The following SLC36A4 variants were observed in gnomAD, a reference collection of about 807,000 sequenced individuals.
SLC36A4 encodes neutral amino acid uniporter 4.
A neutral mutation model predicts 50.5 loss-of-function variants in SLC36A4; 49 were observed. The ratio of observed to expected loss-of-function variants is 0.97; its 90% CI spans 0.77 to 1.23. The LOEUF (loss-of-function observed/expected upper bound fraction) is 1.23. SLC36A4 is among the 50% of genes most tolerant of loss of function. SLC36A4 has a pLI of 0.00. For missense variants in SLC36A4, 611 were observed against 608.4 expected (o/e 1.00, Z -0.05); for synonymous variants, 207 against 206.5 (o/e 1.00, Z -0.02).
chr11:93,197,810 G>T lies in SLC36A4; in HGVS notation c.23C>A (p.Ala8Glu). 6.3e-7 allele frequency: 1 copy of T among 1,579,904 alleles called. No individual in the cohort carries two copies. ...CTCGCGCCTCGCCGCCCCGGCAGCC[G>T]CCGGCGTCGCCGCCGCTTCCATCTC... MEAAATP[A>E]AAGAARREEL... Residue 8 changes from alanine (A) to glutamate (E), a missense_variant, in exon 1 of 11, where the codon GCG becomes GAG. By Grantham distance (107) the Ala-to-Glu change is moderately radical. Coordinates refer to ENST00000326402, the MANE Select transcript of SLC36A4 (RefSeq NM_152313.4).
At chr11:93,197,281 CT>C (rs1862467932) in intron 1 of SLC36A4, 1 of 154,860 alleles carries the variant, frequency 6.5e-6, no homozygotes, top group Admixed American at 6.5e-5. Flanking sequence ...AACAAACAAA[CT>C]TTGCCAAGTG....
intron 6 of SLC36A4, among the ~76,000 whole-genome samples, chr11:93,172,930 GC>G (rs1302086635): frequency 6.6e-6 from 1 of 151,102 alleles, no homozygotes; most frequent in East Asian, 1.9e-4. Flanking sequence ...CTTTATAGCA[GC>G]ATGATTTATA....
intron 6 of SLC36A4, among the ~76,000 whole-genome samples, chr11:93,176,184 T>C (rs995669410): frequency 1.3e-5 from 2 of 152,114 alleles, no homozygotes; most frequent in African/African-American, 2.4e-5. Flanking sequence ...GTTGAATTGA[T>C]CCATTTACCA....
intron 6 of SLC36A4, among the ~76,000 whole-genome samples, chr11:93,179,518 C>T (rs1207422932): frequency 1.3e-5 from 2 of 152,150 alleles, no homozygotes; most frequent in African/African-American, 2.4e-5. Flanking sequence ...TTTCACAGAA[C>T]AGGTGACATT....
intron 6 of SLC36A4, chr11:93,171,295 G>A (rs1006086197): frequency 6.6e-6 from 1 of 152,016 alleles, no homozygotes; most frequent in African/African-American, 2.4e-5. Flanking sequence ...TATTTCATAG[G>A]AGAAAGTCAC....
intron 9 of SLC36A4, among the ~76,000 whole-genome samples, chr11:93,157,998 A>C (rs922640498): frequency 6.6e-6 from 1 of 152,210 alleles, no homozygotes; most frequent in Admixed American, 6.5e-5. Context: ...CTGCTATAAC[A>C]TATTTATCAT....
At chr11:93,171,566 T>C (rs868758767) in intron 6 of SLC36A4, 2 of 152,236 alleles carry the variant, frequency 1.3e-5, no homozygotes, top group South Asian at 4.1e-4. Context: ...TTAAATAATG[T>C]ATATCATGGT....
chr11:93,180,738 G>T, intron 6 of SLC36A4, 59 bp downstream of exon 6: 1 of 1,136,522 alleles, frequency 8.8e-7, no homozygotes, highest in Non-Finnish European at 1.3e-6. Flanking sequence ...GAAGATATAT[G>T]AAGCCATAAC....
chr11:93,149,932 T>C (rs1469429222), intron 10 of SLC36A4, among the ~76,000 whole-genome samples: 1 of 140,580 alleles, frequency 7.1e-6, no homozygotes, highest in Non-Finnish European at 1.6e-5. Flanking sequence ...TACTTTCTTT[T>C]ACACCCTTTC....
intron 5 of SLC36A4, 55 bp downstream of exon 5, chr11:93,181,636 C>G (rs1234787897): frequency 6.2e-6 from 8 of 1,294,066 alleles, no homozygotes; most frequent in African/African-American, 1.5e-5. Context: ...GGTTAAAATA[C>G]TTAAAATTAA....
intron 6 of SLC36A4, among the ~76,000 whole-genome samples, chr11:93,175,893 G>T (rs1861441962): frequency 9.2e-6 from 1 of 108,390 alleles, no homozygotes; most frequent in South Asian, 4.5e-4. Context: ...TGGAATAGGT[G>T]TGGTGTGGTG....
In SLC36A4 at chr11:93,148,726, C is replaced by T; in HGVS notation, c.1326G>A (p.Lys442=). Residue 442 remains lysine (K), a synonymous_variant, in exon 11 of 11, where the codon AAG becomes AAA. Transcript: ENST00000326402. ...PPLVEILTFS[K]EHYNIWMVLK... ...GGACCATCCATATATTATAATGTTC[C>T]TTCGAAAATGTAAGAATTTCAACCA... 6.2e-7 allele frequency: 1 copy of T among 1,612,784 alleles called. No homozygotes were observed. The highest frequency in any genetic ancestry group is 1.7e-5 in the Admixed American group (1 of 59,800).
rs1859813690 is a variant in SLC36A4, at chr11:93,144,589, T to C, written c.*3948A>G. The C allele has an allele frequency of 6.6e-6, 1 of 152,052 alleles. No homozygotes were observed. Among genetic ancestry groups the C allele is most frequent in the African/African-American group, 2.4e-5 (1 of 41,452 alleles). 9.4% of individuals were successfully genotyped at this position (152,052 alleles called of 1,614,324 possible). On this transcript the variant is annotated 3_prime_UTR_variant, in exon 11 of 11. Coordinates refer to ENST00000326402, the MANE Select transcript of SLC36A4 (RefSeq NM_152313.4). Reference sequence around the variant, plus strand: ...TAAGAATCAAGAGTGATTTGCTATTTCACTTATCATAGGGCAATAAATAGC... The same window carrying C: ...TAAGAATCAAGAGTGATTTGCTATTCCACTTATCATAGGGCAATAAATAGC...
intron 6 of SLC36A4, among the ~76,000 whole-genome samples, chr11:93,175,009 T>A (rs1381709345): frequency 5.3e-5 from 8 of 152,024 alleles, no homozygotes; most frequent in African/African-American, 1.9e-4. Flanking sequence ...TTGGAATACT[T>A]TCAGAAGGAA....
intron 6 of SLC36A4, among the ~76,000 whole-genome samples, chr11:93,179,168 A>G (rs1861626029): frequency 1.3e-5 from 2 of 152,116 alleles, no homozygotes; most frequent in Non-Finnish European, 2.9e-5. Flanking sequence ...CACTTGTGCT[A>G]TCAACCAGGT....
chr11:93,197,689 C>A, intron 1 of SLC36A4, 89 bp downstream of exon 1: 2 of 1,410,232 alleles, frequency 1.4e-6, no homozygotes, highest in Non-Finnish European at 1.9e-6. Context: ...AGGCCAAGCG[C>A]GGGGCCCCTG....
At chr11:93,161,733 CAA>C (rs1221306960) in intron 9 of SLC36A4, among the ~76,000 whole-genome samples, 1 of 152,116 alleles carries the variant, frequency 6.6e-6, no homozygotes, top group Non-Finnish European at 1.5e-5. Flanking sequence ...AGTAGTGTGA[CAA>C]TAATTCAATC....
chr11:93,197,227 C>T (rs1862466334), intron 1 of SLC36A4: 1 of 153,894 alleles, frequency 6.5e-6, no homozygotes, highest in Non-Finnish European at 1.5e-5. Flanking sequence ...CGTAAACAAA[C>T]ACGCCCTGTC....
chr11:93,150,298 T>C (rs1429168241), intron 10 of SLC36A4, among the ~76,000 whole-genome samples: 1 of 152,064 alleles, frequency 6.6e-6, no homozygotes, highest in Non-Finnish European at 1.5e-5. Flanking sequence ...ACACATATAT[T>C]CCTGTTAGTA....
Sources: allele counts gnomAD v4.1 joint callset (sites outside exome capture counted in the v4.1 genomes callset), GRCh38; gene constraint gnomAD v4.1.1; transcripts MANE v1.5; gene names NCBI Gene and HGNC (gene_info 2026-07-23, HGNC 2026-07-21).